The following MTMR1 variants were observed in gnomAD, a reference collection of about 807,000 sequenced individuals.
The protein encoded by MTMR1 is phosphatidylinositol-3-phosphate phosphatase MTMR1.
Under a neutral mutation model 51.6 loss-of-function variants are expected in MTMR1, and 17 were observed. The observed-to-expected ratio is 0.33, with a 90% CI of 0.23 to 0.49. The LOEUF (loss-of-function observed/expected upper bound fraction) is 0.49. MTMR1 is among the 20% of genes least tolerant of loss of function. The pLI is 0.99. For missense variants in MTMR1, 386 were observed against 526.9 expected, an observed-to-expected ratio of 0.73 and a Z score of 2.62; for synonymous variants, 201 against 205.6, an observed-to-expected ratio of 0.98 and a Z score of 0.19.
At chrX:150,738,571 T>A (rs1355058501) in intron 12 of MTMR1, among the ~76,000 whole-genome samples, 6 of 111,793 alleles carry the variant, frequency 5.4e-5, no homozygotes, top group African/African-American at 1.6e-4. Context: ...TCTCTTGAGG[T>A]CTCCCTTCTT....
At position 150,736,661 on chromosome X, in the gene MTMR1, C is replaced by T. The variant is rs140499491; in HGVS notation, c.1147C>T (p.His383Tyr). 97 of 1,209,654 alleles carry T rather than the reference C, an allele frequency of 8.0e-5. No individual in the cohort carries two copies. In the African/African-American group the frequency reaches 1.5e-3, roughly 19 times the overall value. ...PNAELVFLEI[H>Y]NIHVMRESLR... ...TGCAGAACTTGTGTTCTTGGAGATCCACAACATTCATGTCATGCGAGAGTC... is the reference window on the plus strand; with the variant it reads ...TGCAGAACTTGTGTTCTTGGAGATCTACAACATTCATGTCATGCGAGAGTC... The change falls in exon 11 of 16, where the codon CAC (histidine) becomes TAC (tyrosine). Residue 383 changes from histidine (H) to tyrosine (Y), a missense_variant. His to Tyr is a moderately conservative substitution (Grantham distance 83). Coordinates refer to ENST00000445323, the MANE Select transcript of MTMR1 (RefSeq NM_001306144.3).
At chrX:150,714,447 C>T (rs1410688181) in intron 3 of MTMR1, 1 of 956,815 alleles carries the variant, frequency 1.0e-6, no homozygotes, top group East Asian at 7.7e-5. Flanking sequence ...TCCTCTTTGC[C>T]TTTTCTTGTC....
At chrX:150,731,743 C>T (rs2042123368) in intron 9 of MTMR1, 124 bp downstream of exon 9, 3 of 536,853 alleles carry the variant, frequency 5.6e-6, no homozygotes, top group South Asian at 7.2e-5. Context: ...GCTTATAAAC[C>T]TGAACATACC....
rs782141274 is a variant in MTMR1, at chrX:150,757,191, G to A, written c.1857+1326G>A. ...GCTCATGTTCCTTTTCAGCTGCCTG[G>A]CCCTGGAACCTCAAGGATACGTCAC... On this transcript the variant is annotated intron_variant, in intron 15 of 15. Transcript: ENST00000445323. Among the ~76,000 whole-genome samples the A allele has an allele frequency of 2.7e-5, 3 of 112,255 alleles. No individual in the cohort carries two copies. In the South Asian group the frequency reaches 1.1e-3, roughly 41 times the overall value.
At chrX:150,703,823 C>T (rs140393193) in intron 2 of MTMR1, among the ~76,000 whole-genome samples, 1,584 of 111,727 alleles carry the variant, frequency 0.014, 29 homozygotes, top group African/African-American at 0.048. Context: ...TCTAGGCAGA[C>T]ATGGAAGAGT....
chrX:150,744,264 C>T, intron 12 of MTMR1, 97 bp from the exon 13 acceptor site: 1 of 601,759 alleles, frequency 1.7e-6, no homozygotes, highest in Non-Finnish European at 2.7e-6. Flanking sequence ...TTCTATTAGG[C>T]CTGATGAGAT....
chrX:150,696,211 T>C (rs2040670377), intron 1 of MTMR1, among the ~76,000 whole-genome samples: 1 of 110,884 alleles, frequency 9.0e-6, no homozygotes, highest in Non-Finnish European at 1.9e-5. Flanking sequence ...ACCAGGAGTA[T>C]AGAGGGCAAT....
At chrX:150,724,704 G>A (rs926416966) in intron 4 of MTMR1, among the ~76,000 whole-genome samples, 31 of 111,878 alleles carry the variant, frequency 2.8e-4, no homozygotes, top group African/African-American at 9.8e-4. Flanking sequence ...GTCTTCCAGG[G>A]TTTTTACAGA....
rs1162269590 is a variant in MTMR1 at position 150,716,050 on chromosome X, TAG to T, written c.277-2568_277-2567del. The stretch of plus-strand genomic sequence containing the variant: ...AATGTTTGATGTGGCTTGCTCTAAA[TAG>T]AGAGAGTCATACCTTTCCTAAGCTC... On this transcript the variant is annotated intron_variant, in intron 3 of 15. Transcript: ENST00000445323. 5.3e-5 allele frequency among the ~76,000 whole-genome samples: 6 copies of T among 112,725 alleles called. No individual in the cohort carries two copies. The South Asian group carries it at 1.1e-3, about 21-fold the overall frequency.
chrX:150,700,756 G>A lies in MTMR1; in HGVS notation c.252+1456G>A, dbSNP rs142028997. Among the ~76,000 whole-genome samples the A allele has an allele frequency of 7.3e-3, 817 of 112,516 alleles. 6 individuals are homozygous for A. The highest frequency in any genetic ancestry group is 0.029 in the South Asian group (80 of 2,754). ...TAGCAGAGAATAGCTCTCACACTTC[G>A]GGGTGATTTTCTTTATGGACAATTA... On this transcript the variant is annotated intron_variant, in intron 2 of 15. Transcript: ENST00000445323.
intron 2 of MTMR1, among the ~76,000 whole-genome samples, chrX:150,709,415 A>G (rs1233796253): frequency 1.8e-5 from 2 of 112,159 alleles, no homozygotes; most frequent in East Asian, 5.6e-4. Flanking sequence ...GCAGATTATC[A>G]TCTCACCCCT....
chrX:150,726,434 A>G, intron 4 of MTMR1, among the ~76,000 whole-genome samples: 1 of 111,707 alleles, frequency 9.0e-6, no homozygotes, highest in Non-Finnish European at 1.9e-5. Flanking sequence ...ATGGACAGGA[A>G]CTTCTTCCAA....
At chrX:150,727,599 A>T in intron 5 of MTMR1, 85 bp from the exon 6 acceptor site, 1 of 741,151 alleles carries the variant, frequency 1.3e-6, no homozygotes, top group Non-Finnish European at 2.0e-6. Context: ...AAGTAAACAA[A>T]CATGTTTTGT....
chrX:150,730,876 GT>G (rs1557416965), intron 8 of MTMR1, among the ~76,000 whole-genome samples: 2 of 111,854 alleles, frequency 1.8e-5, no homozygotes, highest in Non-Finnish European at 3.8e-5. Context: ...TTGCCAGATG[GT>G]TTTTATTAGA....
At position 150,755,694 on chromosome X, in the gene MTMR1, A is replaced by G. The variant is rs1557417728; in HGVS notation, c.1686A>G (p.Val562=). The change falls in exon 15 of 16, where the codon GTA becomes GTG. Residue 562 remains valine, a synonymous_variant. Coordinates refer to ENST00000445323, the MANE Select transcript of MTMR1 (RefSeq NM_001306144.3). The part of the protein sequence containing the change: ...NCEQQRFKED[V]YTKTISLWSY... ...TGTTCTTTTTTGTTTTTCAGGATGT[A>G]TATACAAAGACGATATCTTTATGGT... 8.5e-7 allele frequency: 1 copy of G among 1,174,838 alleles called. No individual in the cohort carries two copies. The highest frequency in any genetic ancestry group is 1.1e-6 in the Non-Finnish European group (1 of 879,914).
At position 150,730,226 on chromosome X, in the gene MTMR1, T is replaced by C; in HGVS notation, c.657+16T>C. On this transcript the variant is annotated intron_variant, in intron 7 of 15. Coordinates refer to ENST00000445323, the MANE Select transcript of MTMR1 (RefSeq NM_001306144.3). ...TAACGGACAGGTAAATACACCAGAG[T>C]AAACCTTTTCTGCATGCATTTGTGG... is the stretch of plus-strand genomic sequence containing the variant. The C allele has an allele frequency of 9.1e-7, 1 of 1,093,438 alleles. No individual in the cohort carries two copies. 90.1% of individuals were successfully genotyped at this position (1,093,438 alleles called of 1,213,427 possible).
chrX:150,708,757 T>G (rs2041206301), intron 2 of MTMR1, among the ~76,000 whole-genome samples: 1 of 110,981 alleles, frequency 9.0e-6, no homozygotes, highest in African/African-American at 3.3e-5. Flanking sequence ...AGGTTACTTA[T>G]CCACCCCAGG....
At chrX:150,735,328 C>A (rs983879109) in intron 10 of MTMR1, 6 of 329,673 alleles carry the variant, frequency 1.8e-5, no homozygotes, top group Non-Finnish European at 3.1e-5. Context: ...TAAATCCCAC[C>A]CGTTCATGGT....
intron 12 of MTMR1, among the ~76,000 whole-genome samples, chrX:150,741,288 C>T (rs782283455): frequency 8.9e-6 from 1 of 112,124 alleles, no homozygotes; most frequent in East Asian, 2.8e-4. Context: ...TTTCCCTTGC[C>T]CCGTCTAAGC....
Sources: allele counts gnomAD v4.1 joint callset (sites outside exome capture counted in the v4.1 genomes callset), GRCh38; gene constraint gnomAD v4.1.1; transcripts MANE v1.5; gene names NCBI Gene and HGNC (gene_info 2026-07-23, HGNC 2026-07-21).